TAFA4: variants seen among roughly 807,000 people sequenced by gnomAD.
TAFA4 encodes chemokine-like protein TAFA-4.
TAFA4 carries 20 observed loss-of-function variants against 21.1 expected under a neutral mutation model. The ratio of observed to expected loss-of-function variants is 0.95; its 90% CI spans 0.67 to 1.38. The LOEUF is 1.38. TAFA4 is among the 40% of genes most tolerant of loss of function. The probability of loss-of-function intolerance (pLI) is 0.00; values close to 1 mark genes in which losing one functional copy is unlikely to be tolerated. For synonymous variants in TAFA4, 71 were observed against 67.4 expected, an observed-to-expected ratio of 1.05 and a Z score of -0.26; for missense variants, 211 against 180.9, an observed-to-expected ratio of 1.17 and a Z score of -0.95.
At chr3:68,883,975 G>C (rs2089645726) in intron 2 of TAFA4, among the ~76,000 whole-genome samples, 1 of 131,572 alleles carries the variant, frequency 7.6e-6, no homozygotes, top group South Asian at 2.7e-4. Flanking sequence ...AGGCAGGGAG[G>C]GAAAGACAAA....
intron 3 of TAFA4, among the ~76,000 whole-genome samples, chr3:68,799,529 C>T (rs555785925): frequency 3.3e-5 from 5 of 152,252 alleles, no homozygotes; most frequent in Middle Eastern, 3.4e-3. Context: ...GTAAAAGAGG[C>T]TTTGCAGTTG....
intron 3 of TAFA4, among the ~76,000 whole-genome samples, chr3:68,814,223 A>C (rs1330702705): frequency 6.6e-6 from 1 of 152,320 alleles, no homozygotes; most frequent in Admixed American, 6.5e-5. Context: ...CTGAATGGGC[A>C]AAAATGGGAA....
At chr3:68,908,266 A>G (rs182146594) in intron 1 of TAFA4, among the ~76,000 whole-genome samples, 1 of 152,314 alleles carries the variant, frequency 6.6e-6, no homozygotes, top group African/African-American at 2.4e-5. Context: ...AAAGGTTACA[A>G]AGCTGATAAG....
intron 1 of TAFA4, among the ~76,000 whole-genome samples, chr3:68,888,531 T>G (rs2089697371): frequency 6.6e-6 from 1 of 152,178 alleles, no homozygotes; most frequent in African/African-American, 2.4e-5. Context: ...GTTATAGCAA[T>G]AACGCCATTC....
rs772965478 is a variant in TAFA4 at position 68,739,095 on chromosome 3, T to C, written c.391A>G (p.Asn131Asp). The change falls in exon 5 of 6, where the codon AAT becomes GAT. Residue 131 changes from asparagine (N) to aspartate (D), a missense_variant. By Grantham distance (23) the Asn-to-Asp change is conservative. Coordinates refer to ENST00000295569, the MANE Select transcript of TAFA4 (RefSeq NM_182522.5). ...CTTGCCTTCGTAGTTTTGACTTTAT[T>C]GCCACTGCTACAGGACCAACCTGAG... ...DYSGWSCSSG[N>D]KVKTTKVTR is the part of the protein sequence containing the mutation. 1 of 1,613,766 alleles carries C rather than the reference T, an allele frequency of 6.2e-7. No homozygotes were observed. The highest frequency in any genetic ancestry group is 2.2e-5 in the East Asian group (1 of 44,892).
chr3:68,923,355 A>G (rs1275386480), intron 1 of TAFA4, among the ~76,000 whole-genome samples: 1 of 152,134 alleles, frequency 6.6e-6, no homozygotes, highest in Non-Finnish European at 1.5e-5. Flanking sequence ...AACTCCATCA[A>G]GCTGTGTTTT....
chr3:68,850,326 G>T (rs1237215725), intron 3 of TAFA4, among the ~76,000 whole-genome samples: 1 of 152,066 alleles, frequency 6.6e-6, no homozygotes, highest in East Asian at 1.9e-4. Flanking sequence ...TCAGGACAAG[G>T]GACACAGCAG....
rs1702180932 is a variant in TAFA4, at chr3:68,733,151, TA to T, written c.413del (p.Val138GlufsTer36). ...SSGNKVKTTK[V>X]TR ...CACACCTCTCTCTTCGCTACCGCGT[TA>T]CCTAAAACAAATCAAAATAAGGGAA... On this transcript the variant is annotated frameshift_variant and splice_region_variant, in exon 6 of 6. Coordinates refer to ENST00000295569, the MANE Select transcript of TAFA4 (RefSeq NM_182522.5). LOFTEE classifies it high-confidence loss of function. 6.2e-7 allele frequency: 1 copy of T among 1,613,030 alleles called. No individual in the cohort carries two copies. The highest frequency in any genetic ancestry group is 1.3e-5 in the African/African-American group (1 of 74,842).
intron 3 of TAFA4, among the ~76,000 whole-genome samples, chr3:68,875,755 C>G (rs2089542679): frequency 6.6e-6 from 1 of 152,050 alleles, no homozygotes; most frequent in African/African-American, 2.4e-5. Context: ...CACACACTGT[C>G]AAATTACTTT....
At chr3:68,773,635 T>A (rs1258483887) in intron 3 of TAFA4, among the ~76,000 whole-genome samples, 1 of 152,108 alleles carries the variant, frequency 6.6e-6, no homozygotes, top group Non-Finnish European at 1.5e-5. Flanking sequence ...GTCACCTCAG[T>A]AGCATATCAA....
At chr3:68,807,735 C>T (rs1703733917) in intron 3 of TAFA4, among the ~76,000 whole-genome samples, 1 of 152,138 alleles carries the variant, frequency 6.6e-6, no homozygotes, top group East Asian at 1.9e-4. Flanking sequence ...TTGTTCAGAG[C>T]TTTATCAAGA....
At chr3:68,747,763 A>G (rs148743289) in intron 4 of TAFA4, among the ~76,000 whole-genome samples, 55 of 152,304 alleles carry the variant, frequency 3.6e-4, no homozygotes, top group African/African-American at 1.2e-3. Context: ...ACAGTGCTTT[A>G]TATAAACTTT....
intron 3 of TAFA4, among the ~76,000 whole-genome samples, chr3:68,844,286 T>C (rs1704736510): frequency 6.6e-6 from 1 of 152,194 alleles, no homozygotes; most frequent in Non-Finnish European, 1.5e-5. Flanking sequence ...TTCTTCTAGA[T>C]TTTCTAGTTT....
At chr3:68,767,090 T>C (rs537992910) in intron 3 of TAFA4, among the ~76,000 whole-genome samples, 1 of 152,270 alleles carries the variant, frequency 6.6e-6, no homozygotes, top group South Asian at 2.1e-4. Context: ...GCTTTTGGAG[T>C]ACAAATGGTT....
rs569782975 is a variant in TAFA4, at chr3:68,746,253, C to T, written c.286+6610G>A. 1.2e-4 allele frequency among the ~76,000 whole-genome samples: 18 copies of T among 152,278 alleles called. No individual in the cohort carries two copies. The South Asian group carries it at 3.3e-3, about 28-fold the overall frequency. ...ACTGGCTTCCCGGCTCCTCAGCTTG[C>T]AGACAGCCACTTGTGGGAATTCACC... is the stretch of plus-strand genomic sequence containing the variant. On this transcript the variant is annotated intron_variant, in intron 4 of 5. Transcript: ENST00000295569.
At chr3:68,752,681 T>G (rs1426236636) in intron 4 of TAFA4, among the ~76,000 whole-genome samples, 182 bp downstream of exon 4, 2 of 152,202 alleles carry the variant, frequency 1.3e-5, no homozygotes, top group Non-Finnish European at 2.9e-5. Flanking sequence ...TGTGGGACAT[T>G]ATTGAAGGCA....
chr3:68,924,069 G>C (rs904473685), intron 1 of TAFA4, among the ~76,000 whole-genome samples: 5 of 152,132 alleles, frequency 3.3e-5, no homozygotes, highest in African/African-American at 7.2e-5. Flanking sequence ...ACAGCATGGT[G>C]GTTCCTCAAA....
At chr3:68,808,163 T>A (rs1272574695) in intron 3 of TAFA4, among the ~76,000 whole-genome samples, 2 of 152,094 alleles carry the variant, frequency 1.3e-5, no homozygotes, top group African/African-American at 4.8e-5. Flanking sequence ...AAGTTACTAG[T>A]CAGAGTAGAG....
intron 3 of TAFA4, among the ~76,000 whole-genome samples, chr3:68,787,693 C>T (rs886953152): frequency 6.6e-6 from 1 of 152,184 alleles, no homozygotes; most frequent in African/African-American, 2.4e-5. Flanking sequence ...CCTAGTCATT[C>T]GCTATGGTAC....
Sources: allele counts gnomAD v4.1 joint callset (sites outside exome capture counted in the v4.1 genomes callset), GRCh38; gene constraint gnomAD v4.1.1; transcripts MANE v1.5; gene names NCBI Gene and HGNC (gene_info 2026-07-23, HGNC 2026-07-21).